CBFA2T3: variants seen among roughly 807,000 people sequenced by gnomAD.
The protein encoded by CBFA2T3 is transcriptional corepressor CBFA2T3.
In CBFA2T3, 31 loss-of-function variants were observed where a neutral mutation model predicts 58.6. The observed-to-expected ratio is 0.53, with a 90% CI of 0.40 to 0.71. The LOEUF (loss-of-function observed/expected upper bound fraction) is 0.71, where lower values mean the gene tolerates loss of function less well. Ranked by LOEUF, CBFA2T3 falls within the 30% of genes least tolerant of loss-of-function variation. The pLI is 0.00. For synonymous variants in CBFA2T3, 531 were observed against 421.9 expected, an observed-to-expected ratio of 1.26 and a Z score of -3.17; for missense variants, 1,076 against 963.1, an observed-to-expected ratio of 1.12 and a Z score of -1.55.
chr16:88,888,715 AT>A (rs1161459350), intron 5 of CBFA2T3, among the ~76,000 whole-genome samples: 2 of 150,494 alleles, frequency 1.3e-5, no homozygotes, highest in African/African-American at 4.9e-5. Context: ...CAAGATCTTT[AT>A]TTTTTATTTT....
At chr16:88,915,390 ATGGAGGGGGGAGCG>A (rs1313755516) in intron 1 of CBFA2T3, among the ~76,000 whole-genome samples, 2 of 38,486 alleles carry the variant, frequency 5.2e-5, no homozygotes, top group Non-Finnish European at 9.3e-5. Context: ...CACAAGCAGC[ATGGAGGGGGGAGCG>A]TGGAGGGGGG....
chr16:88,931,490 T>G (rs746118680), intron 1 of CBFA2T3, among the ~76,000 whole-genome samples: 13 of 149,944 alleles, frequency 8.7e-5, no homozygotes, highest in Non-Finnish European at 1.6e-4. Flanking sequence ...AGAAGCCCCT[T>G]CATGTGCCAA....
At chr16:88,971,898 G>C (rs148556198) in intron 1 of CBFA2T3, among the ~76,000 whole-genome samples, 1 of 152,346 alleles carries the variant, frequency 6.6e-6, no homozygotes, top group African/African-American at 2.4e-5. Context: ...GAAAACCCCT[G>C]CCCAGCGCCC....
chr16:88,968,420 A>C (rs1286510282), intron 1 of CBFA2T3, among the ~76,000 whole-genome samples: 2 of 152,208 alleles, frequency 1.3e-5, no homozygotes, highest in Non-Finnish European at 2.9e-5. Context: ...GCCGCAGGAC[A>C]AGCCTCACGG....
intron 1 of CBFA2T3, among the ~76,000 whole-genome samples, chr16:88,948,679 G>T (rs747944984): frequency 6.6e-6 from 1 of 152,204 alleles, no homozygotes; most frequent in Non-Finnish European, 1.5e-5. Context: ...CTTCATTCAC[G>T]TATTCATTTC....
chr16:88,934,880 C>T (rs1971445393), intron 1 of CBFA2T3, among the ~76,000 whole-genome samples: 2 of 152,242 alleles, frequency 1.3e-5, no homozygotes, highest in South Asian at 2.1e-4. Flanking sequence ...GCTGGGACTA[C>T]AGGCGCCCGC....
chr16:88,882,496 CGTGGCT>C (rs1212530889), intron 8 of CBFA2T3, among the ~76,000 whole-genome samples, 174 bp downstream of exon 8: 1 of 128,068 alleles, frequency 7.8e-6, no homozygotes, highest in African/African-American at 3.1e-5. Flanking sequence ...ACTGCACGGG[CGTGGCT>C]GTGGCTGTGT....
At chr16:88,881,976 T>G (rs1248839815) in intron 8 of CBFA2T3, among the ~76,000 whole-genome samples, 6 of 152,218 alleles carry the variant, frequency 3.9e-5, no homozygotes, top group African/African-American at 1.4e-4. Context: ...GCCTCGGCAC[T>G]GCTTTTGCCC....
intron 1 of CBFA2T3, among the ~76,000 whole-genome samples, chr16:88,905,929 G>T (rs1409990103): frequency 6.7e-6 from 1 of 149,652 alleles, no homozygotes; most frequent in Non-Finnish European, 1.5e-5. Context: ...GGCTGGGCAG[G>T]GAGGCACCGT....
At chr16:88,970,292 T>C (rs561897602) in intron 1 of CBFA2T3, among the ~76,000 whole-genome samples, 1 of 152,266 alleles carries the variant, frequency 6.6e-6, no homozygotes, top group East Asian at 1.9e-4. Context: ...AGCACCTGCG[T>C]GGGGCTTCCT....
chr16:88,881,844 T>C (rs1020513251), intron 8 of CBFA2T3, among the ~76,000 whole-genome samples: 1 of 152,148 alleles, frequency 6.6e-6, no homozygotes, highest in Non-Finnish European at 1.5e-5. Context: ...CTGACAACAG[T>C]GCTGGGAGGG....
intron 1 of CBFA2T3, among the ~76,000 whole-genome samples, chr16:88,911,781 T>G (rs1970539817): frequency 1.3e-5 from 2 of 152,234 alleles, no homozygotes; most frequent in Admixed American, 6.5e-5. Flanking sequence ...GTGGGGCTTG[T>G]CTTTGGCACT....
intron 1 of CBFA2T3, among the ~76,000 whole-genome samples, chr16:88,914,635 G>A (rs1970633513): frequency 6.6e-6 from 1 of 152,200 alleles, no homozygotes; most frequent in Admixed American, 6.5e-5. Context: ...CTTAAGCCCA[G>A]AGCCCCTAGC....
At chr16:88,973,678 G>A (rs1972714315) in intron 1 of CBFA2T3, among the ~76,000 whole-genome samples, 1 of 152,194 alleles carries the variant, frequency 6.6e-6, no homozygotes, top group Admixed American at 6.5e-5. Flanking sequence ...GAGGACAGCT[G>A]GGCCTGGATG....
In CBFA2T3 at chr16:88,885,777, G is replaced by A. The variant is rs1969342796; in HGVS notation, c.893+184C>T. On this transcript the variant is annotated intron_variant, in intron 6 of 11. Coordinates refer to ENST00000268679, the MANE Select transcript of CBFA2T3 (RefSeq NM_005187.6). The surrounding 1 kb of genome is among the most constrained non-coding windows in gnomAD (Gnocchi z 5.3). ...GCATCTGAGTCTGCAGCCCACTGGG[G>A]TGTCCGCCCGTGCAGCCACCAAGCC... 2 of 596,554 alleles carry A rather than the reference G, an allele frequency of 3.4e-6. No homozygotes were observed. Among genetic ancestry groups the A allele is most frequent in the Non-Finnish European group, 5.9e-6 (2 of 336,756 alleles). 37.0% of individuals were successfully genotyped at this position (596,554 alleles called of 1,614,324 possible). A position where few individuals can be genotyped will look rare whatever the true frequency, so the allele number is the denominator to read the frequency against.
At chr16:88,893,575 G>A (rs1051274400) in intron 3 of CBFA2T3, among the ~76,000 whole-genome samples, 3 of 152,192 alleles carry the variant, frequency 2.0e-5, no homozygotes, top group Non-Finnish European at 4.4e-5. Context: ...CCTGGCGGCT[G>A]GACACGCAGA....
intron 1 of CBFA2T3, among the ~76,000 whole-genome samples, chr16:88,974,975 G>T (rs1972762275): frequency 6.6e-6 from 1 of 152,168 alleles, no homozygotes; most frequent in African/African-American, 2.4e-5. Flanking sequence ...GGGCCGGGTG[G>T]TTGCACGGAC....
chr16:88,881,592 A>ACCAGC, intron 8 of CBFA2T3, 103 bp from the exon 9 acceptor site: 1 of 1,178,138 alleles, frequency 8.5e-7, no homozygotes. Flanking sequence ...TGGGTGCCCG[A>ACCAGC]CCAGCCCACC....
rs1012839106 is a variant in CBFA2T3, at chr16:88,886,040, C to T, written c.814G>A (p.Ala272Thr). 12 of 1,577,330 alleles carry T rather than the reference C, an allele frequency of 7.6e-6. No individual in the cohort carries two copies. Among genetic ancestry groups the T allele is most frequent in the African/African-American group, 1.3e-5 (1 of 74,640 alleles). ...GAGTCGATGGGGGAGGAGGCGCTGG[C>T]GTCCAGCAGGAGCTGCTCATGCTGG... ...LAQHEQLLLD[A>T]SASSPIDSSE... Residue 272 changes from alanine to threonine, a missense_variant, in exon 6 of 12, where the codon GCC (alanine) becomes ACC (threonine). Transcript: ENST00000268679.
Sources: allele counts gnomAD v4.1 joint callset (sites outside exome capture counted in the v4.1 genomes callset), GRCh38; gene constraint gnomAD v4.1.1; non-coding constraint Gnocchi (gnomAD v3.1); transcripts MANE v1.5; gene names NCBI Gene and HGNC (gene_info 2026-07-23, HGNC 2026-07-21).